The following HDLBP variants were observed in gnomAD, a reference collection of about 807,000 sequenced individuals.
HDLBP encodes vigilin.
In HDLBP, 30 loss-of-function variants were observed where a neutral mutation model predicts 137.3. That is an observed-to-expected ratio of 0.22 (90% CI 0.16 to 0.30). The LOEUF is 0.30. HDLBP is among the 10% of genes least tolerant of loss of function. The pLI is 1.00. For missense variants in HDLBP, 1,119 were observed against 1,667.3 expected (o/e 0.67, Z 5.73); for synonymous variants, 606 against 596.0 (o/e 1.02, Z -0.24).
In HDLBP at chr2:241,235,465, A is replaced by G. The variant is rs751181068; in HGVS notation, c.3009+25T>C. ...GGATGCGACAGGCCACTCCTGTGAC[A>G]TGGCCTCCCGGGAAAGGGGTCTACC... is the stretch of plus-strand genomic sequence containing the variant. On this transcript the variant is annotated intron_variant, in intron 22 of 27. Coordinates refer to ENST00000310931, the MANE Select transcript of HDLBP (RefSeq NM_005336.6). The G allele has an allele frequency of 2.5e-6, 4 of 1,569,030 alleles. 1 individual carries two copies. In the South Asian group the frequency reaches 4.4e-5, roughly 17 times the overall value.
intron 1 of HDLBP, among the ~76,000 whole-genome samples, chr2:241,279,180 T>G (rs2074508192): frequency 6.6e-6 from 1 of 152,200 alleles, no homozygotes; most frequent in South Asian, 2.1e-4. Flanking sequence ...TGGATAGTAA[T>G]TCTCCCCTAA....
chr2:241,250,042 A>C, intron 11 of HDLBP, 62 bp from the exon 12 acceptor site: 5 of 1,516,002 alleles, frequency 3.3e-6, no homozygotes, highest in Middle Eastern at 3.5e-4. Flanking sequence ...CCAATGACAT[A>C]ACTGGGCAGG....
chr2:241,258,703 C>G (rs2072918718), intron 5 of HDLBP, among the ~76,000 whole-genome samples: 2 of 152,124 alleles, frequency 1.3e-5, no homozygotes, highest in Non-Finnish European at 2.9e-5. Flanking sequence ...AGTGAAAAAA[C>G]TTTCCTAACA....
At chr2:241,308,669 A>C (rs2075662490) in intron 1 of HDLBP, among the ~76,000 whole-genome samples, 1 of 152,220 alleles carries the variant, frequency 6.6e-6, no homozygotes, top group South Asian at 2.1e-4. Context: ...TGACAAGGCC[A>C]GGTTAGGGAA....
intron 16 of HDLBP, among the ~76,000 whole-genome samples, chr2:241,245,187 CT>C (rs72269646): frequency 4.0e-3 from 575 of 142,950 alleles, no homozygotes; most frequent in Non-Finnish European, 5.0e-3. Context: ...AATCTTTTTT[CT>C]TTTTTTTTTT....
At chr2:241,232,916 G>A (rs938024474) in intron 24 of HDLBP, among the ~76,000 whole-genome samples, 1 of 152,054 alleles carries the variant, frequency 6.6e-6, no homozygotes, top group East Asian at 1.9e-4. Context: ...GGTGCAGGAG[G>A]GCCCTCCTGG....
intron 1 of HDLBP, among the ~76,000 whole-genome samples, chr2:241,290,670 T>A (rs565279940): frequency 1.4e-4 from 22 of 152,164 alleles, no homozygotes; most frequent in African/African-American, 2.9e-4. Context: ...CACTTCTTTA[T>A]CTCAATGCTG....
Position 241,253,400 on chromosome 2 carries a change from T to A in HDLBP, c.1286A>T (p.Lys429Ile), listed in dbSNP as rs1282766552. The A allele has an allele frequency of 1.9e-6, 3 of 1,605,076 alleles. No individual in the cohort carries two copies. Among genetic ancestry groups the A allele is most frequent in the Middle Eastern group, 1.6e-4 (1 of 6,064 alleles). Residue 429 changes from lysine to isoleucine, a missense_variant, in exon 10 of 28, where the codon AAA (lysine) becomes ATA (isoleucine). Lys to Ile is a moderately radical substitution (Grantham distance 102). This residue lies in a region of HDLBP where 425 missense variants were observed against 693.9 expected (regional missense o/e 0.61). Transcript: ENST00000310931. ...VAQEQIEGMVKDLINRMDYVE... is the reference protein window; with the variant it reads ...VAQEQIEGMVIDLINRMDYVE... ...TTCCAAGGGGTACCTTACCAAATCTTTGACCATGCCTTCTATCTGTTCCTG... is the reference window on the plus strand; with the variant it reads ...TTCCAAGGGGTACCTTACCAAATCTATGACCATGCCTTCTATCTGTTCCTG...
At chr2:241,247,316 T>C in intron 14 of HDLBP, 174 bp from the exon 15 acceptor site, 1 of 608,050 alleles carries the variant, frequency 1.6e-6, no homozygotes, top group Non-Finnish European at 3.0e-6. Flanking sequence ...ACAACTAACT[T>C]ACGTTGCAAA....
chr2:241,257,824 C>T (rs2072786454), intron 5 of HDLBP, among the ~76,000 whole-genome samples: 3 of 152,296 alleles, frequency 2.0e-5, no homozygotes, highest in African/African-American at 7.2e-5. Context: ...AGACATTAAA[C>T]ATGAAACCAT....
chr2:241,299,597 C>T (rs1156462185), intron 1 of HDLBP, among the ~76,000 whole-genome samples: 4 of 149,298 alleles, frequency 2.7e-5, no homozygotes, highest in African/African-American at 9.8e-5. Context: ...GCAGATAACA[C>T]TGACCATTCC....
chr2:241,270,968 T>C, intron 1 of HDLBP: 4 of 984,664 alleles, frequency 4.1e-6, no homozygotes, highest in Non-Finnish European at 4.8e-6. Context: ...TCCCATTTCT[T>C]AATACCACCA....
intron 1 of HDLBP, among the ~76,000 whole-genome samples, chr2:241,299,069 A>G (rs2075292844): frequency 6.6e-6 from 1 of 152,174 alleles, no homozygotes; most frequent in South Asian, 2.1e-4. Flanking sequence ...CTATAAGTAA[A>G]CATACCAAAA....
intron 1 of HDLBP, among the ~76,000 whole-genome samples, chr2:241,283,652 T>C (rs2074699020): frequency 6.6e-6 from 1 of 151,890 alleles, no homozygotes; most frequent in African/African-American, 2.4e-5. Flanking sequence ...TTTTTTGTAT[T>C]TTTAGTAGAG....
In HDLBP at chr2:241,248,313, T is replaced by C. The variant is rs751788641; in HGVS notation, c.1548A>G (p.Gln516=). Residue 516 remains glutamine, a synonymous_variant, in exon 13 of 28, where the codon CAA becomes CAG. Coordinates refer to ENST00000310931, the MANE Select transcript of HDLBP (RefSeq NM_005336.6). The part of the protein sequence containing the change: ...NERTKDLIIE[Q]RFHRTIIGQK... Reference sequence around the variant, plus strand: ...GCCCAATGATTGTGCGATGAAATCTTTGCTCAATGATTAGATCCTTGGTAC... The same window carrying C: ...GCCCAATGATTGTGCGATGAAATCTCTGCTCAATGATTAGATCCTTGGTAC... 1.4e-5 allele frequency: 22 copies of C among 1,613,952 alleles called. No homozygotes were observed. Among genetic ancestry groups the C allele is most frequent in the African/African-American group, 2.7e-5 (2 of 74,928 alleles).
At chr2:241,287,488 G>A (rs916611624) in intron 1 of HDLBP, among the ~76,000 whole-genome samples, 1 of 145,858 alleles carries the variant, frequency 6.9e-6, no homozygotes, top group African/African-American at 2.6e-5. Context: ...CAGCACAATC[G>A]CAGCTCACTG....
chr2:241,248,815 A>G (rs2071883802), intron 12 of HDLBP, among the ~76,000 whole-genome samples: 1 of 152,106 alleles, frequency 6.6e-6, no homozygotes, highest in Admixed American at 6.6e-5. Context: ...AGAACGTTCA[A>G]CACAGGGCAC....
At chr2:241,307,794 T>C (rs1341961981) in intron 1 of HDLBP, among the ~76,000 whole-genome samples, 1 of 152,136 alleles carries the variant, frequency 6.6e-6, no homozygotes, top group Non-Finnish European at 1.5e-5. Context: ...AATACAAATT[T>C]ACCTCATTTG....
intron 11 of HDLBP, among the ~76,000 whole-genome samples, chr2:241,252,752 A>G (rs1486894208): frequency 2.0e-5 from 3 of 152,220 alleles, no homozygotes; most frequent in Non-Finnish European, 4.4e-5. Flanking sequence ...CCCACTGGCC[A>G]AGCAGCTCTA....
Sources: allele counts gnomAD v4.1 joint callset (sites outside exome capture counted in the v4.1 genomes callset), GRCh38; gene constraint gnomAD v4.1.1; regional missense constraint gnomAD v4.1.1; transcripts MANE v1.5; gene names NCBI Gene and HGNC (gene_info 2026-07-23, HGNC 2026-07-21).